The following SPEF2 variants were observed in gnomAD, a reference collection of about 807,000 sequenced individuals.
SPEF2 encodes the protein sperm flagellar and cilia associated 2, also known as sperm flagella and cilia-associated protein 2.
Under a neutral mutation model 224.6 loss-of-function variants are expected in SPEF2, and 187 were observed. That is an observed-to-expected ratio of 0.83 (90% CI 0.74 to 0.94). The LOEUF (loss-of-function observed/expected upper bound fraction) is 0.94. Ranked by LOEUF, SPEF2 falls within the 40% of genes least tolerant of loss-of-function variation. The pLI, the probability that SPEF2 is intolerant of heterozygous loss-of-function variation, is 0.00. For missense variants in SPEF2, 2,170 were observed against 2,135.6 expected (o/e 1.02, Z -0.32); for synonymous variants, 715 against 707.3 (o/e 1.01, Z -0.17).
intron 2 of SPEF2, among the ~76,000 whole-genome samples, chr5:35,633,490 C>T (rs1745411264): frequency 6.6e-6 from 1 of 151,884 alleles, no homozygotes; most frequent in Admixed American, 6.6e-5. Context: ...ATATGTTTTT[C>T]CATCCTTTTA....
rs1226455888 is a variant in SPEF2, at chr5:35,752,913, A to C, written c.3331-711A>C. The stretch of plus-strand genomic sequence containing the variant: ...AGGACTCTATGTGATAACTATTTTT[A>C]TTATATTTATATGTAAATTATTAAA... On this transcript the variant is annotated intron_variant, in intron 23 of 36. Transcript: ENST00000356031. 2.0e-5 allele frequency among the ~76,000 whole-genome samples: 3 copies of C among 150,250 alleles called. No individual in the cohort carries two copies. The East Asian group carries it at 5.8e-4, about 29-fold the overall frequency.
intron 23 of SPEF2, among the ~76,000 whole-genome samples, chr5:35,745,947 A>G (rs1335025216): frequency 1.3e-5 from 2 of 152,218 alleles, no homozygotes; most frequent in African/African-American, 4.8e-5. Flanking sequence ...CCACCAGAAC[A>G]GGCACTGGTA....
chr5:35,733,124 T>G lies in SPEF2; in HGVS notation c.3063+5301T>G, dbSNP rs185843302. ...GTTTTTTTTTGTTTTTTGTTTTTTG[T>G]TTTTTTTTGAGATGGAGTCTCGCTC... is the stretch of plus-strand genomic sequence containing the variant. On this transcript the variant is annotated intron_variant, in intron 21 of 36. Coordinates refer to ENST00000356031, the MANE Select transcript of SPEF2 (RefSeq NM_024867.4). Among the ~76,000 whole-genome samples the G allele has an allele frequency of 2.0e-4, 29 of 147,710 alleles. 1 individual carries two copies. In the Middle Eastern group the frequency reaches 0.01, roughly 52 times the overall value.
At chr5:35,703,555 G>A (rs1358094758) in intron 16 of SPEF2, among the ~76,000 whole-genome samples, 1 of 151,942 alleles carries the variant, frequency 6.6e-6, no homozygotes. Flanking sequence ...ATGGTACAGA[G>A]TACCACGAGT....
chr5:35,793,012 A>C, intron 31 of SPEF2, 147 bp from the exon 32 acceptor site: 1 of 709,080 alleles, frequency 1.4e-6, no homozygotes, highest in Middle Eastern at 4.1e-4. Flanking sequence ...TGGTAGAATA[A>C]AGGAAACAAA....
chr5:35,627,628 C>A lies in SPEF2; in HGVS notation c.59-832C>A, dbSNP rs112010151. 5.7e-3 allele frequency among the ~76,000 whole-genome samples: 874 copies of A among 152,262 alleles called. 8 individuals are homozygous for A. The highest frequency in any genetic ancestry group is 0.02 in the African/African-American group (833 of 41,552). On this transcript the variant is annotated intron_variant, in intron 1 of 36. Transcript: ENST00000356031. ...CTCCATCAAAAAATAAAATAAAATT[C>A]TGCACTTATCATTATGTGCCTACTA...
chr5:35,769,867 C>T (rs1031256746), intron 26 of SPEF2, among the ~76,000 whole-genome samples: 3 of 152,000 alleles, frequency 2.0e-5, no homozygotes, highest in African/African-American at 2.4e-5. Context: ...CTTCTCATCC[C>T]CTCACCCCAT....
At chr5:35,775,576 T>C (rs1180898684) in intron 28 of SPEF2, among the ~76,000 whole-genome samples, 1 of 152,060 alleles carries the variant, frequency 6.6e-6, no homozygotes, top group Non-Finnish European at 1.5e-5. Context: ...TGGTGGCAAC[T>C]GGGAGCTAGG....
Position 35,728,999 on chromosome 5 carries a change from A to T in SPEF2, c.3063+1176A>T, listed in dbSNP as rs142093489. The stretch of plus-strand genomic sequence containing the variant: ...TGGGGAATGTGGGGCAAAAACACCT[A>T]AATTCATTCTTTAACTCCAAAACTT... On this transcript the variant is annotated intron_variant, in intron 21 of 36. Transcript: ENST00000356031. Among the ~76,000 whole-genome samples the T allele has an allele frequency of 4.4e-3, 670 of 152,276 alleles. 8 individuals are homozygous for T. The highest frequency in any genetic ancestry group is 0.014 in the African/African-American group (575 of 41,560).
rs142598492 is a variant in SPEF2, at chr5:35,652,013, G to C, written c.792-2527G>C. ...ATTTGGGTTAATATATTTGTCAGAG[G>C]CTTTTCCCAGCAACTACTTCTTAAG... On this transcript the variant is annotated intron_variant, in intron 6 of 36. Transcript: ENST00000356031. 3.3e-4 allele frequency among the ~76,000 whole-genome samples: 50 copies of C among 152,244 alleles called. No homozygotes were observed. In the East Asian group the frequency reaches 9.5e-3, roughly 29 times the overall value.
At chr5:35,766,610 C>T (rs1020017055) in intron 26 of SPEF2, among the ~76,000 whole-genome samples, 1 of 151,890 alleles carries the variant, frequency 6.6e-6, no homozygotes, top group Non-Finnish European at 1.5e-5. Context: ...TGACTTTTAA[C>T]TTCATTCATT....
At chr5:35,797,124 T>C (rs1223325788) in intron 33 of SPEF2, among the ~76,000 whole-genome samples, 1 of 152,176 alleles carries the variant, frequency 6.6e-6, no homozygotes, top group East Asian at 1.9e-4. Context: ...TTTTTAGAAA[T>C]GTCAATCAAA....
At chr5:35,627,494 G>A (rs1267958855) in intron 1 of SPEF2, among the ~76,000 whole-genome samples, 3 of 151,976 alleles carry the variant, frequency 2.0e-5, no homozygotes, top group Non-Finnish European at 2.9e-5. Context: ...CCAGCTACTC[G>A]GGAGGCTGAG....
intron 16 of SPEF2, among the ~76,000 whole-genome samples, chr5:35,704,235 A>AT (rs386358034): frequency 6.7e-6 from 1 of 150,358 alleles, no homozygotes; most frequent in East Asian, 1.9e-4. Context: ...CACTGTGTTA[A>AT]TTTTTCCTAT....
intron 8 of SPEF2, among the ~76,000 whole-genome samples, chr5:35,661,254 TTATATATATATATATATATATA>T (rs550178866): frequency 0.03 from 2,803 of 93,988 alleles, 111 homozygotes; most frequent in African/African-American, 0.053. Context: ...TTGGTATATA[TTATATATATATATATATATATA>T]TATATATATA....
intron 9 of SPEF2, among the ~76,000 whole-genome samples, chr5:35,668,373 C>T (rs1451438756): frequency 6.6e-6 from 1 of 152,092 alleles, no homozygotes; most frequent in Non-Finnish European, 1.5e-5. Context: ...TCTCCAGATA[C>T]TTAGGCTGCG....
chr5:35,796,560 C>T lies in SPEF2; in HGVS notation c.4830+765C>T, dbSNP rs185011830. ...CCGGGAGGCAGAGCTTGCAGTGAGCCGAGATAGCGCCACTGCAGTCAGGCC... is the reference window on the plus strand; with the variant it reads ...CCGGGAGGCAGAGCTTGCAGTGAGCTGAGATAGCGCCACTGCAGTCAGGCC... On this transcript the variant is annotated intron_variant, in intron 33 of 36. Transcript: ENST00000356031. Among the ~76,000 whole-genome samples, 9 of 149,944 alleles carry T rather than the reference C, an allele frequency of 6.0e-5. No individual in the cohort carries two copies. In the East Asian group the frequency reaches 1.8e-3, roughly 29 times the overall value.
chr5:35,636,039 AATAAT>A (rs1394856963), intron 2 of SPEF2, among the ~76,000 whole-genome samples: 3 of 152,150 alleles, frequency 2.0e-5, no homozygotes, highest in Non-Finnish European at 4.4e-5. Flanking sequence ...GGACATTTAA[AATAAT>A]ATAATGTGTC....
rs772509398 is a variant in SPEF2 at position 35,641,463 on chromosome 5, G to A, written c.194G>A (p.Arg65His). ...AGTGCCAAACTTAATAATTTTTCTCGCTTGGAGCCAACACTTAACCTTCTG... is the reference window on the plus strand; with the variant it reads ...AGTGCCAAACTTAATAATTTTTCTCACTTGGAGCCAACACTTAACCTTCTG... ...VSSAKLNNFS[R>H]LEPTLNLLGV... is the part of the protein sequence containing the mutation. The change falls in exon 3 of 37, where the codon CGC becomes CAC. Residue 65 changes from arginine to histidine, a missense_variant. Coordinates refer to ENST00000356031, the MANE Select transcript of SPEF2 (RefSeq NM_024867.4). 57 of 1,613,074 alleles carry A rather than the reference G, an allele frequency of 3.5e-5. No individual in the cohort carries two copies. The highest frequency in any genetic ancestry group is 1.4e-4 in the South Asian group (13 of 90,908).
Sources: gnomAD v4.1 joint callset for allele counts (sites outside exome capture counted in the v4.1 genomes callset) on GRCh38, gnomAD v4.1.1 for gene constraint, MANE v1.5 for transcripts, NCBI Gene and HGNC (gene_info 2026-07-23, HGNC 2026-07-21) for gene names.